The following HS3ST5 variants were observed in gnomAD, a reference collection of about 807,000 sequenced individuals.
HS3ST5 encodes heparan sulfate-glucosamine 3-sulfotransferase 5.
HS3ST5 carries 10 observed loss-of-function variants against 25.4 expected under a neutral mutation model. That is an observed-to-expected ratio of 0.39 (90% CI 0.24 to 0.67). The LOEUF is 0.67. Among genes scored for constraint, HS3ST5 ranks in the 30% least tolerant of loss-of-function variants. HS3ST5 has a pLI of 0.44. For synonymous variants in HS3ST5, 170 were observed against 162.4 expected, an observed-to-expected ratio of 1.05 and a Z score of -0.36; for missense variants, 324 against 420.7, an observed-to-expected ratio of 0.77 and a Z score of 2.01.
chr6:114,063,226 G>A (rs1403172377), intron 3 of HS3ST5, among the ~76,000 whole-genome samples: 2 of 152,088 alleles, frequency 1.3e-5, no homozygotes, highest in African/African-American at 4.8e-5. Flanking sequence ...GATAGAATGA[G>A]CAACTTGGCC....
chr6:114,160,112 G>A (rs1281630616), intron 3 of HS3ST5, among the ~76,000 whole-genome samples: 1 of 152,160 alleles, frequency 6.6e-6, no homozygotes, highest in Non-Finnish European at 1.5e-5. Context: ...TTTCTAGAAT[G>A]TTGTTATGGA....
At chr6:114,193,614 A>T (rs1780605933) in intron 2 of HS3ST5, among the ~76,000 whole-genome samples, 3 of 152,210 alleles carry the variant, frequency 2.0e-5, no homozygotes, top group Admixed American at 1.3e-4. Flanking sequence ...ATATAATAGG[A>T]AAAGAAACAG....
At chr6:114,073,432 A>G (rs1228112241) in intron 3 of HS3ST5, among the ~76,000 whole-genome samples, 1 of 152,222 alleles carries the variant, frequency 6.6e-6, no homozygotes, top group African/African-American at 2.4e-5. Flanking sequence ...AAAGAGCTTA[A>G]ACACATTCAC....
intron 1 of HS3ST5, among the ~76,000 whole-genome samples, chr6:114,248,954 A>T (rs191199501): frequency 6.6e-4 from 100 of 152,324 alleles, no homozygotes; most frequent in African/African-American, 2.4e-3. Context: ...GACATTGTTT[A>T]TACCAACTAT....
intron 2 of HS3ST5, among the ~76,000 whole-genome samples, chr6:114,195,654 A>C (rs1483627785): frequency 6.6e-6 from 1 of 152,178 alleles, no homozygotes; most frequent in Non-Finnish European, 1.5e-5. Flanking sequence ...TTTGTTAATA[A>C]ATATGCAATT....
At chr6:114,110,181 G>A (rs2114845796) in intron 3 of HS3ST5, among the ~76,000 whole-genome samples, 1 of 152,154 alleles carries the variant, frequency 6.6e-6, no homozygotes, top group South Asian at 2.1e-4. Flanking sequence ...TTTTCCCTTA[G>A]CCTACTTCAA....
intron 1 of HS3ST5, chr6:114,230,244 G>A (rs1771516791): frequency 6.6e-6 from 1 of 151,430 alleles, no homozygotes; most frequent in Middle Eastern, 3.4e-3. Context: ...CCTAGCGCAG[G>A]GCTTGGTTTG....
chr6:114,286,436 A>T (rs1774343535), intron 1 of HS3ST5, among the ~76,000 whole-genome samples: 1 of 152,046 alleles, frequency 6.6e-6, no homozygotes, highest in Non-Finnish European at 1.5e-5. Context: ...ACATTTAAAA[A>T]TTTGTTAAAA....
intron 1 of HS3ST5, among the ~76,000 whole-genome samples, chr6:114,234,565 C>T (rs754877856): frequency 7.9e-5 from 12 of 152,038 alleles, no homozygotes; most frequent in Middle Eastern, 3.4e-3. Flanking sequence ...TAAACTCCAA[C>T]GGGTAGGTTG....
intron 1 of HS3ST5, among the ~76,000 whole-genome samples, chr6:114,272,089 G>A (rs1002386118): frequency 6.6e-6 from 1 of 152,046 alleles, no homozygotes; most frequent in African/African-American, 2.4e-5. Flanking sequence ...ATTTATCATA[G>A]GCTCTTTAAA....
rs1774667332 is a variant in HS3ST5 at position 114,084,509 on chromosome 6, G to C, written c.-32-21632C>G. On this transcript the variant is annotated intron_variant, in intron 3 of 4. Transcript: ENST00000312719. The stretch of plus-strand genomic sequence containing the variant: ...CGGGAAATGGTGCCACGCATGCGCA[G>C]AACTTCCCGAGCCGGCGTCCACCGC... 1.5e-5 allele frequency: 11 copies of C among 758,258 alleles called. No individual in the cohort carries two copies. The South Asian group carries it at 1.5e-4, about 10-fold the overall frequency. The allele number at this position is 758,258 out of a possible 1,614,324, so 47.0% of individuals were successfully genotyped here.
At chr6:114,150,352 C>T (rs926995991) in intron 3 of HS3ST5, among the ~76,000 whole-genome samples, 1 of 152,158 alleles carries the variant, frequency 6.6e-6, no homozygotes, top group Non-Finnish European at 1.5e-5. Flanking sequence ...GCACACAGTG[C>T]CAAAGGATTG....
At chr6:114,334,095 A>C (rs73544456) in intron 1 of HS3ST5, among the ~76,000 whole-genome samples, 9,611 of 152,112 alleles carry the variant, frequency 0.063, 551 homozygotes, top group African/African-American at 0.15. Flanking sequence ...CTGTGTCTGC[A>C]CCATTAAACC....
intron 2 of HS3ST5, among the ~76,000 whole-genome samples, chr6:114,205,475 T>C (rs552525884): frequency 1.3e-5 from 2 of 152,308 alleles, no homozygotes; most frequent in South Asian, 2.1e-4. Flanking sequence ...TGTATCAACA[T>C]GTCCACCATT....
intron 1 of HS3ST5, among the ~76,000 whole-genome samples, chr6:114,249,460 A>C (rs1772539991): frequency 6.6e-6 from 1 of 152,188 alleles, no homozygotes; most frequent in Non-Finnish European, 1.5e-5. Flanking sequence ...TCTACACCTC[A>C]AGGCTCCTCT....
chr6:114,142,190 A>G (rs1253417786), intron 3 of HS3ST5, among the ~76,000 whole-genome samples: 3 of 152,136 alleles, frequency 2.0e-5, no homozygotes, highest in African/African-American at 4.8e-5. Context: ...TATTTCAAGG[A>G]TAACAACTTC....
intron 1 of HS3ST5, among the ~76,000 whole-genome samples, chr6:114,325,055 T>G (rs1477264369): frequency 1.3e-5 from 2 of 152,200 alleles, no homozygotes; most frequent in African/African-American, 2.4e-5. Flanking sequence ...TAGGATTGGC[T>G]TGGTGTAGAA....
intron 1 of HS3ST5, among the ~76,000 whole-genome samples, chr6:114,302,534 G>T (rs1465741754): frequency 1.3e-5 from 2 of 152,190 alleles, no homozygotes; most frequent in Admixed American, 1.3e-4. Flanking sequence ...AGGACATCTG[G>T]AGAGCAATGT....
chr6:114,237,025 T>C (rs1403762078), intron 1 of HS3ST5, among the ~76,000 whole-genome samples: 1 of 152,252 alleles, frequency 6.6e-6, no homozygotes, highest in Non-Finnish European at 1.5e-5. Context: ...ACTTTAAAAA[T>C]GAGTCTACAT....
Sources: allele counts gnomAD v4.1 joint callset (sites outside exome capture counted in the v4.1 genomes callset), GRCh38; gene constraint gnomAD v4.1.1; transcripts MANE v1.5; gene names NCBI Gene and HGNC (gene_info 2026-07-23, HGNC 2026-07-21).